Variants in STRN4 observed in about 807,000 individuals in gnomAD.
The protein encoded by STRN4 is striatin 4.
In STRN4, 27 loss-of-function variants were observed where a neutral mutation model predicts 77.9. The ratio of observed to expected loss-of-function variants is 0.35; its 90% CI spans 0.26 to 0.48. STRN4 has a LOEUF of 0.48. Among genes scored for constraint, STRN4 ranks in the 20% least tolerant of loss-of-function variants. The pLI is 0.99. For missense variants in STRN4, 798 were observed against 1,049.7 expected, an observed-to-expected ratio of 0.76 and a Z score of 3.31; for synonymous variants, 466 against 443.1, an observed-to-expected ratio of 1.05 and a Z score of -0.65.
At chr19:46,745,416 G>A (rs993965188) in intron 1 of STRN4, among the ~76,000 whole-genome samples, 1 of 152,130 alleles carries the variant, frequency 6.6e-6, no homozygotes, top group African/African-American at 2.4e-5. Context: ...TCTCCTCAGA[G>A]GGGAAGGCAC....
At chr19:46,736,029 T>G (rs1465907079) in intron 4 of STRN4, 1 of 151,694 alleles carries the variant, frequency 6.6e-6, no homozygotes, top group Non-Finnish European at 1.5e-5. Flanking sequence ...ATCCCAGCAC[T>G]TTGGGAGGCC....
chr19:46,729,484 T>C (rs1483078509), intron 6 of STRN4, among the ~76,000 whole-genome samples: 1 of 152,072 alleles, frequency 6.6e-6, no homozygotes, highest in Non-Finnish European at 1.5e-5. Flanking sequence ...GCCTCTGACC[T>C]GCATGGGGGG....
At position 46,720,641 on chromosome 19, in the gene STRN4, G is replaced by A. The variant is rs755622055; in HGVS notation, c.2223C>T (p.Ala741=). The change falls in exon 17 of 18, where the codon GCC becomes GCT. Residue 741 remains alanine (A), a synonymous_variant. Transcript: ENST00000263280. ...TGGCCAGGGCATCAGCGCCAGCACT[G>A]GCAATGAGGGCCTTGCTGGGGTGGC... ...VACHPSKALI[A]SAGADALAKV... 2 of 1,607,562 alleles carry A rather than the reference G, an allele frequency of 1.2e-6. No individual in the cohort carries two copies. The highest frequency in any genetic ancestry group is 3.4e-5 in the Admixed American group (2 of 59,424).
At chr19:46,724,774 A>C (rs752267469) in intron 12 of STRN4, 33 bp downstream of exon 12, 1 of 1,613,656 alleles carries the variant, frequency 6.2e-7, no homozygotes, top group South Asian at 1.1e-5. Flanking sequence ...GCCCCAGTGG[A>C]TGTGAGGGGA....
rs2054403503 is a variant in STRN4 at position 46,738,009 on chromosome 19, G to A, written c.460+155C>T. Among the ~76,000 whole-genome samples the A allele has an allele frequency of 1.3e-5, 2 of 152,084 alleles. No homozygotes were observed. The highest frequency in any genetic ancestry group is 1.5e-5 in the Non-Finnish European group (1 of 68,006). The stretch of plus-strand genomic sequence containing the variant: ...CGGGACCTGGCAGCCCATAGGGAGG[G>A]CTCTGAGAGTGAGATTCCGCCCCTC... On this transcript the variant is annotated intron_variant, in intron 3 of 17. Coordinates refer to ENST00000263280, the MANE Select transcript of STRN4 (RefSeq NM_013403.3). This position sits in a 1 kb window ranked among gnomAD's most constrained non-coding sequence, Gnocchi z 4.5.
chr19:46,739,035 C>T, intron 1 of STRN4, 147 bp from the exon 2 acceptor site: 1 of 698,386 alleles, frequency 1.4e-6, no homozygotes, highest in South Asian at 1.7e-5. Flanking sequence ...AGATCCCAAG[C>T]CAGGGTTCAG....
chr19:46,729,994 C>CAA (rs767354557), intron 6 of STRN4, among the ~76,000 whole-genome samples: 1 of 152,112 alleles, frequency 6.6e-6, no homozygotes, highest in Non-Finnish European at 1.5e-5. Context: ...GAGCCCTACC[C>CAA]AACCAGCCAG....
At chr19:46,736,739 G>A (rs770349834) in intron 4 of STRN4, 84 bp downstream of exon 4, 296 of 1,371,598 alleles carry the variant, frequency 2.2e-4, no homozygotes, top group South Asian at 6.2e-4. Flanking sequence ...CAGTGGGGAC[G>A]GAAAAGGACT....
intron 12 of STRN4, among the ~76,000 whole-genome samples, chr19:46,724,596 C>T (rs910037452): frequency 2.6e-5 from 4 of 152,280 alleles, no homozygotes; most frequent in Non-Finnish European, 5.9e-5. Context: ...GCTTCACCAC[C>T]TCCTCCCACA....
intron 9 of STRN4, chr19:46,725,893 G>T: frequency 1.9e-6 from 1 of 540,000 alleles, no homozygotes; most frequent in Non-Finnish European, 3.3e-6. Context: ...ACCCCTTGGG[G>T]TCTTGCAGTT....
intron 5 of STRN4, chr19:46,731,869 A>T (rs1189119882): frequency 6.6e-6 from 1 of 152,296 alleles, no homozygotes; most frequent in African/African-American, 2.4e-5. Flanking sequence ...GCAGACGGCC[A>T]TGGCTTTCCA....
At chr19:46,729,102 T>C (rs1185104616) in intron 6 of STRN4, among the ~76,000 whole-genome samples, 1 of 152,222 alleles carries the variant, frequency 6.6e-6, no homozygotes, top group Non-Finnish European at 1.5e-5. Flanking sequence ...TATGCACTGG[T>C]GTCCGTGTGT....
chr19:46,727,592 G>A (rs766005405), intron 8 of STRN4, 46 bp from the exon 9 acceptor site: 11 of 1,501,332 alleles, frequency 7.3e-6, no homozygotes, highest in Admixed American at 6.7e-5. Flanking sequence ...GGAGGGAGGG[G>A]CAGAGAGGGC....
At chr19:46,727,053 C>A (rs1239407542) in intron 9 of STRN4, among the ~76,000 whole-genome samples, 1 of 150,890 alleles carries the variant, frequency 6.6e-6, no homozygotes, top group African/African-American at 2.5e-5. Flanking sequence ...AAGCTCCCAG[C>A]TGGCCAAAGG....
intron 6 of STRN4, among the ~76,000 whole-genome samples, chr19:46,729,559 TG>T (rs763109011): frequency 6.6e-5 from 10 of 151,972 alleles, no homozygotes; most frequent in Non-Finnish European, 1.5e-4. Context: ...GTGCAAAGAA[TG>T]GGGAAGGGGA....
intron 15 of STRN4, 73 bp downstream of exon 15, chr19:46,722,169 A>G: frequency 6.3e-7 from 1 of 1,592,580 alleles, no homozygotes; most frequent in Non-Finnish European, 8.6e-7. Context: ...AGCCTCCCAC[A>G]GGGACGCAAG....
At position 46,741,360 on chromosome 19, in the gene STRN4, C is replaced by T. The variant is rs1416992056; in HGVS notation, c.283-2472G>A. 6.6e-6 allele frequency among the ~76,000 whole-genome samples: 1 copy of T among 152,176 alleles called. No homozygotes were observed. Among genetic ancestry groups the T allele is most frequent in the Non-Finnish European group, 1.5e-5 (1 of 68,026 alleles). On this transcript the variant is annotated intron_variant, in intron 1 of 17. Transcript: ENST00000263280. The surrounding 1 kb of genome is among the most constrained non-coding windows in gnomAD (Gnocchi z 4.9). ...CTGCTGCCTCATCGAGCTGTGGTCT[C>T]CCTCCTCCTAATGAGGATGTGAGGG...
chr19:46,728,802 A>C (rs1445558900), intron 6 of STRN4, 25 bp from the exon 7 acceptor site: 2 of 1,612,828 alleles, frequency 1.2e-6, no homozygotes, highest in Admixed American at 1.7e-5. Context: ...AAGCCAGACA[A>C]GTCAGGGGGC....
At chr19:46,746,030 C>CG (rs2054587878) in intron 1 of STRN4, 119 bp downstream of exon 1, 2 of 1,211,868 alleles carry the variant, frequency 1.7e-6, no homozygotes, top group Admixed American at 4.4e-5. Flanking sequence ...GGTCCCCTCC[C>CG]GCCCCCCCGC....
Sources: gnomAD v4.1 joint callset for allele counts (sites outside exome capture counted in the v4.1 genomes callset) on GRCh38, gnomAD v4.1.1 for gene constraint, Gnocchi (gnomAD v3.1) non-coding constraint, MANE v1.5 for transcripts, NCBI Gene and HGNC (gene_info 2026-07-23, HGNC 2026-07-21) for gene names.